The following GRID2 variants were observed in gnomAD, a reference collection of about 807,000 sequenced individuals.
GRID2 encodes the protein glutamate receptor ionotropic, delta-2.
GRID2 carries 33 observed loss-of-function variants against 114.8 expected under a neutral mutation model. The observed-to-expected ratio is 0.29, with a 90% CI of 0.22 to 0.38. GRID2 has a LOEUF of 0.38. Ranked by LOEUF, GRID2 falls within the 10% of genes least tolerant of loss-of-function variation. The pLI is 1.00. For synonymous variants in GRID2, 505 were observed against 449.9 expected (o/e 1.12, Z -1.55); for missense variants, 1,184 against 1,257.7 (o/e 0.94, Z 0.89).
At chr4:92,704,081 C>G (rs952284323) in intron 2 of GRID2, among the ~76,000 whole-genome samples, 10 of 152,108 alleles carry the variant, frequency 6.6e-5, no homozygotes, top group African/African-American at 1.9e-4. Context: ...TCGACACCAT[C>G]CTGGCTAACA....
intron 1 of GRID2, among the ~76,000 whole-genome samples, chr4:92,459,752 C>G (rs1721386312): frequency 6.6e-6 from 1 of 151,780 alleles, no homozygotes; most frequent in Admixed American, 6.6e-5. Context: ...TAAAGCATTT[C>G]TCTAGATGTT....
chr4:92,974,705 G>A (rs1753743623), intron 2 of GRID2, among the ~76,000 whole-genome samples: 1 of 151,774 alleles, frequency 6.6e-6, no homozygotes, highest in South Asian at 2.1e-4. Context: ...GGGTAGGGGA[G>A]GAATAACATT....
At chr4:92,667,491 G>C (rs902924667) in intron 2 of GRID2, among the ~76,000 whole-genome samples, 4 of 151,368 alleles carry the variant, frequency 2.6e-5, no homozygotes, top group South Asian at 2.1e-4. Context: ...TTAATTTAAA[G>C]ATAATGACTA....
chr4:92,660,078 C>A (rs1032610144), intron 2 of GRID2, among the ~76,000 whole-genome samples: 1 of 151,304 alleles, frequency 6.6e-6, no homozygotes, highest in Admixed American at 6.6e-5. Context: ...ACGAAAATAT[C>A]ATTCTTCCCC....
intron 2 of GRID2, among the ~76,000 whole-genome samples, chr4:93,042,300 T>G (rs1725629290): frequency 2.2e-5 from 1 of 44,954 alleles, no homozygotes; most frequent in African/African-American, 1.1e-4. Flanking sequence ...TCTCTCTCTC[T>G]ATATATATAT....
At chr4:92,799,796 A>G (rs1164032394) in intron 2 of GRID2, among the ~76,000 whole-genome samples, 1 of 152,028 alleles carries the variant, frequency 6.6e-6, no homozygotes, top group Non-Finnish European at 1.5e-5. Context: ...AATCCTGCCC[A>G]TAACAGTAAG....
intron 2 of GRID2, among the ~76,000 whole-genome samples, chr4:92,975,058 G>A (rs1560761030): frequency 6.6e-6 from 1 of 150,596 alleles, no homozygotes; most frequent in Non-Finnish European, 1.5e-5. Context: ...TAGGGAGGCT[G>A]AGGCAGGAGA....
intron 1 of GRID2, among the ~76,000 whole-genome samples, chr4:92,411,362 A>G (rs1481906565): frequency 3.9e-5 from 6 of 152,052 alleles, no homozygotes; most frequent in African/African-American, 1.4e-4. Context: ...GTTATAGATT[A>G]TGTGTCTTTC....
intron 13 of GRID2, among the ~76,000 whole-genome samples, chr4:93,537,487 G>C (rs1041025688): frequency 1.3e-5 from 2 of 151,730 alleles, no homozygotes; most frequent in African/African-American, 4.8e-5. Flanking sequence ...CACAAATTAA[G>C]TTCTATGTGA....
intron 2 of GRID2, among the ~76,000 whole-genome samples, chr4:92,704,965 T>C (rs1579879657): frequency 6.6e-6 from 1 of 152,150 alleles, no homozygotes; most frequent in Non-Finnish European, 1.5e-5. Flanking sequence ...ATCCAGTTTT[T>C]GTAAGCATTT....
intron 2 of GRID2, among the ~76,000 whole-genome samples, chr4:92,873,056 G>C (rs1745387620): frequency 6.6e-6 from 1 of 152,124 alleles, no homozygotes; most frequent in Non-Finnish European, 1.5e-5. Context: ...TATTATAATA[G>C]TATTGAGTAT....
intron 1 of GRID2, among the ~76,000 whole-genome samples, chr4:92,347,197 G>C (rs1470365306): frequency 6.6e-6 from 1 of 152,184 alleles, no homozygotes; most frequent in Non-Finnish European, 1.5e-5. Flanking sequence ...TGTGGCCAAA[G>C]AATGATGAGT....
At chr4:93,079,105 A>G (rs556882376) in intron 2 of GRID2, among the ~76,000 whole-genome samples, 21 of 151,740 alleles carry the variant, frequency 1.4e-4, no homozygotes, top group Admixed American at 6.6e-4. Flanking sequence ...AAATGATAAA[A>G]TGTATGTGAA....
chr4:93,594,757 G>T (rs1738867085), intron 13 of GRID2, among the ~76,000 whole-genome samples: 1 of 152,178 alleles, frequency 6.6e-6, no homozygotes, highest in Non-Finnish European at 1.5e-5. Context: ...ATCTCGTGGT[G>T]CGCCGTTTTT....
chr4:92,930,269 A>G (rs1578506683), intron 2 of GRID2, among the ~76,000 whole-genome samples: 1 of 151,292 alleles, frequency 6.6e-6, no homozygotes, highest in East Asian at 1.9e-4. Flanking sequence ...CTAGCATGGA[A>G]CATTATTTAG....
At chr4:92,974,985 G>A (rs375885449) in intron 2 of GRID2, among the ~76,000 whole-genome samples, 1 of 151,118 alleles carries the variant, frequency 6.6e-6, no homozygotes, top group East Asian at 2.0e-4. Context: ...GTGAAACCCC[G>A]TCTCTACTAA....
At chr4:93,596,701 C>T (rs1036278370) in intron 13 of GRID2, among the ~76,000 whole-genome samples, 6 of 152,158 alleles carry the variant, frequency 3.9e-5, no homozygotes, top group Non-Finnish European at 8.8e-5. Flanking sequence ...GTAGCATTAA[C>T]AATGCTCAAT....
At chr4:92,395,676 TA>T (rs1301022699) in intron 1 of GRID2, among the ~76,000 whole-genome samples, 1 of 151,752 alleles carries the variant, frequency 6.6e-6, no homozygotes, top group Non-Finnish European at 1.5e-5. Flanking sequence ...ACATAATATC[TA>T]AAAAACTCTA....
intron 1 of GRID2, among the ~76,000 whole-genome samples, chr4:93,797,743 T>G (rs1734831878): frequency 6.6e-6 from 1 of 151,066 alleles, no homozygotes; most frequent in Non-Finnish European, 1.5e-5. Context: ...TGGTAAAAAC[T>G]TAATCAGAGA....
Sources: allele counts gnomAD v4.1 joint callset (sites outside exome capture counted in the v4.1 genomes callset), GRCh38; gene constraint gnomAD v4.1.1; transcripts MANE v1.5; gene names NCBI Gene and HGNC (gene_info 2026-07-23, HGNC 2026-07-21).